MACROD1: variants seen among roughly 807,000 people sequenced by gnomAD.
MACROD1 encodes the protein ADP-ribose glycohydrolase MACROD1.
MACROD1 carries 31 observed loss-of-function variants against 41.4 expected under a neutral mutation model. That is an observed-to-expected ratio of 0.75 (90% CI 0.56 to 1.01). The LOEUF is 1.01. Ranked by LOEUF, MACROD1 falls within the 50% of genes least tolerant of loss-of-function variation. The pLI, the probability that MACROD1 is intolerant of heterozygous loss-of-function variation, is 0.00. For synonymous variants in MACROD1, 252 were observed against 203.4 expected (o/e 1.24, Z -2.03); for missense variants, 473 against 460.0 (o/e 1.03, Z -0.26).
chr11:64,153,238 G>C (rs1344855351), intron 1 of MACROD1, among the ~76,000 whole-genome samples: 3 of 152,160 alleles, frequency 2.0e-5, no homozygotes, highest in Non-Finnish European at 2.9e-5. Context: ...GCAGCTCACG[G>C]GCTCCCCCTG....
At chr11:64,113,197 C>T (rs1190241352) in intron 3 of MACROD1, among the ~76,000 whole-genome samples, 1 of 152,224 alleles carries the variant, frequency 6.6e-6, no homozygotes, top group African/African-American at 2.4e-5. Flanking sequence ...GGGCACTGAC[C>T]TCATGTTTGT....
At chr11:64,157,352 C>T (rs1328422873) in intron 1 of MACROD1, among the ~76,000 whole-genome samples, 1 of 152,170 alleles carries the variant, frequency 6.6e-6, no homozygotes, top group African/African-American at 2.4e-5. Context: ...CCTCAGCCTC[C>T]GAAAGTGCTG....
At chr11:64,054,375 G>A (rs889764339) in intron 3 of MACROD1, among the ~76,000 whole-genome samples, 6 of 152,230 alleles carry the variant, frequency 3.9e-5, no homozygotes, top group South Asian at 2.1e-4. Flanking sequence ...GAGACTGAGT[G>A]CTTTCGGCAG....
intron 3 of MACROD1, among the ~76,000 whole-genome samples, chr11:64,025,504 C>A (rs964196091): frequency 6.6e-6 from 1 of 152,180 alleles, no homozygotes; most frequent in Non-Finnish European, 1.5e-5. Flanking sequence ...CACAAAACAG[C>A]AGAAGCCCCC....
At chr11:64,158,757 C>A (rs778465290) in intron 1 of MACROD1, among the ~76,000 whole-genome samples, 1 of 152,182 alleles carries the variant, frequency 6.6e-6, no homozygotes, top group East Asian at 1.9e-4. Context: ...GATGATACAG[C>A]GCCAGATACC....
At chr11:64,074,085 C>T (rs949346363) in intron 3 of MACROD1, among the ~76,000 whole-genome samples, 3 of 152,194 alleles carry the variant, frequency 2.0e-5, no homozygotes, top group Non-Finnish European at 2.9e-5. Flanking sequence ...GGAATACCCC[C>T]TCCCCATTCT....
At chr11:64,035,722 C>CTCA in intron 3 of MACROD1, among the ~76,000 whole-genome samples, 1 of 1,536 alleles carries the variant, frequency 6.5e-4, no homozygotes, top group South Asian at 0.023. Context: ...CGTCCTCCTC[C>CTCA]CCCTCCCCTC....
At chr11:64,151,114 G>T in intron 3 of MACROD1, 125 bp downstream of exon 3, 1 of 758,772 alleles carries the variant, frequency 1.3e-6, no homozygotes, top group Non-Finnish European at 2.2e-6. Flanking sequence ...GGCGCCAGCA[G>T]GCTGTCCTTG....
chr11:64,085,480 G>A (rs1378752198), intron 3 of MACROD1, among the ~76,000 whole-genome samples: 3 of 152,344 alleles, frequency 2.0e-5, no homozygotes, highest in Admixed American at 2.0e-4. Flanking sequence ...ATGTGTCTGG[G>A]GCGGCCGGCT....
intron 3 of MACROD1, among the ~76,000 whole-genome samples, chr11:64,107,154 G>C (rs539656888): frequency 1.3e-5 from 2 of 152,222 alleles, no homozygotes; most frequent in African/African-American, 4.8e-5. Flanking sequence ...AAAGTGCTGG[G>C]ATTACAATGA....
intron 3 of MACROD1, among the ~76,000 whole-genome samples, chr11:64,066,050 CTT>C (rs951253540): frequency 1.6e-4 from 25 of 151,976 alleles, no homozygotes; most frequent in Non-Finnish European, 3.1e-4. Flanking sequence ...AATCCCAACA[CTT>C]TGTGGGGGCT....
At chr11:64,152,034 C>T (rs1325932774) in intron 2 of MACROD1, among the ~76,000 whole-genome samples, 1 of 152,174 alleles carries the variant, frequency 6.6e-6, no homozygotes, top group Non-Finnish European at 1.5e-5. Flanking sequence ...GAGGCTGAGG[C>T]AGGAGAATCG....
In MACROD1 at chr11:64,116,353, T is replaced by A. The variant is rs199858445; in HGVS notation, c.517+34886A>T. The A allele has an allele frequency of 2.7e-5, 43 of 1,612,902 alleles. No individual in the cohort carries two copies. The highest frequency in any genetic ancestry group is 3.1e-5 in the Non-Finnish European group (37 of 1,179,742). ...ACCGTTGTGATGACCACGGCCACCA[T>A]GGACCTGCGGGACTGGCTGTTCCTC... On this transcript the variant is annotated intron_variant, in intron 3 of 10. Coordinates refer to ENST00000255681, the MANE Select transcript of MACROD1 (RefSeq NM_014067.4).
rs12223886 is a variant in MACROD1, at chr11:64,088,892, C to G, written c.517+62347G>C. Among the ~76,000 whole-genome samples, 78 of 152,116 alleles carry G rather than the reference C, an allele frequency of 5.1e-4. No individual in the cohort carries two copies. The East Asian group carries it at 0.014, about 27-fold the overall frequency. ...GGCGGAATCGGGTGTATTGAAGGTG[C>G]GGTTCACAAAGTCATGGGCGGGGTT... is the stretch of plus-strand genomic sequence containing the variant. On this transcript the variant is annotated intron_variant, in intron 3 of 10. Transcript: ENST00000255681.
chr11:64,126,235 C>T (rs986688011), intron 3 of MACROD1, among the ~76,000 whole-genome samples: 2 of 152,170 alleles, frequency 1.3e-5, no homozygotes, highest in African/African-American at 2.4e-5. Flanking sequence ...CAGGGGGTTC[C>T]GAGGACCCTG....
intron 3 of MACROD1, chr11:64,117,940 G>T: frequency 1.2e-6 from 2 of 1,613,668 alleles, no homozygotes; most frequent in African/African-American, 2.7e-5. Flanking sequence ...GGCATCATCG[G>T]CGGGGCAGTG....
intron 3 of MACROD1, among the ~76,000 whole-genome samples, chr11:64,052,934 T>C (rs1943720608): frequency 6.6e-6 from 1 of 152,230 alleles, no homozygotes. Flanking sequence ...AGGCTTGGCC[T>C]CACGGTCAGG....
At chr11:64,099,293 T>C (rs573089376) in intron 3 of MACROD1, among the ~76,000 whole-genome samples, 4 of 152,404 alleles carry the variant, frequency 2.6e-5, no homozygotes, top group Non-Finnish European at 5.9e-5. Context: ...TCTCACATTG[T>C]AGCCCTCTGA....
chr11:64,124,489 T>A (rs1945147806), intron 3 of MACROD1, among the ~76,000 whole-genome samples: 1 of 152,212 alleles, frequency 6.6e-6, no homozygotes, highest in African/African-American at 2.4e-5. Context: ...TGCTTCTTTT[T>A]AAAAAACTCA....
Sources: allele counts gnomAD v4.1 joint callset (sites outside exome capture counted in the v4.1 genomes callset), GRCh38; gene constraint gnomAD v4.1.1; transcripts MANE v1.5; gene names NCBI Gene and HGNC (gene_info 2026-07-23, HGNC 2026-07-21).